The following PHB2 variants were observed in gnomAD, a reference collection of about 807,000 sequenced individuals.
The protein encoded by PHB2 is prohibitin 2, also known as prohibitin-2.
PHB2 carries 22 observed loss-of-function variants against 46.4 expected under a neutral mutation model. That is an observed-to-expected ratio of 0.47 (90% CI 0.34 to 0.68). PHB2 has a LOEUF of 0.68. Among genes scored for constraint, PHB2 ranks in the 30% least tolerant of loss-of-function variants. The pLI is 0.01. For synonymous variants in PHB2, 156 were observed against 150.5 expected, an observed-to-expected ratio of 1.04 and a Z score of -0.27; for missense variants, 305 against 382.8, an observed-to-expected ratio of 0.80 and a Z score of 1.70.
At chr12:6,968,787 A>G in intron 3 of PHB2, 192 bp from the exon 4 acceptor site, 1 of 622,018 alleles carries the variant, frequency 1.6e-6, no homozygotes, top group Non-Finnish European at 3.0e-6. Context: ...CCCACTGTGA[A>G]GCCTTGAACT....
rs782594920 is a variant in PHB2 at position 6,970,188 on chromosome 12, G to A, written c.212+8C>T. 1.9e-6 allele frequency: 3 copies of A among 1,606,422 alleles called. No individual in the cohort carries two copies. The highest frequency in any genetic ancestry group is 1.7e-5 in the Admixed American group (1 of 59,996). ...AGGTCAGGGTCAGCAGGCTCTGCCC[G>A]CCATTACCTGAAGTGAAGGCCCTCG... On this transcript the variant is annotated splice_region_variant and intron_variant, in intron 2 of 9. Transcript: ENST00000535923.
chr12:6,968,729 C>A (rs1334669700), intron 3 of PHB2, 134 bp from the exon 4 acceptor site: 2 of 740,638 alleles, frequency 2.7e-6, no homozygotes, highest in Admixed American at 4.0e-5. Context: ...GAGAGTTAAT[C>A]AGGCTGACAA....
At chr12:6,969,412 C>A in intron 3 of PHB2, 86 bp downstream of exon 3, 1 of 691,550 alleles carries the variant, frequency 1.4e-6, no homozygotes, top group Non-Finnish European at 2.5e-6. Context: ...GCCTAAAGGC[C>A]TGACACTACC....
chr12:6,970,004 T>C (rs1565591433), intron 2 of PHB2, 192 bp downstream of exon 2: 1 of 702,808 alleles, frequency 1.4e-6, no homozygotes, highest in East Asian at 2.7e-5. Flanking sequence ...CAAGGAGAGA[T>C]TCTCTTGTCC....
chr12:6,967,323 GTCC>G lies in PHB2; in HGVS notation c.712-78_712-76del. 1 of 1,611,484 alleles carries G rather than the reference GTCC, an allele frequency of 6.2e-7. No individual in the cohort carries two copies. Among genetic ancestry groups the G allele is most frequent in the Non-Finnish European group, 8.5e-7 (1 of 1,178,250 alleles). ...GTCCTTACCACACTCCCTTGCTCCA[GTCC>G]TCCTCTGGGCTGTCAGATCCAAGGT... On this transcript the variant is annotated intron_variant, in intron 6 of 9. Coordinates refer to ENST00000535923, the MANE Select transcript of PHB2 (RefSeq NM_001144831.2). This position sits in a 1 kb window ranked among gnomAD's most constrained non-coding sequence, Gnocchi z 4.9.
intron 3 of PHB2, chr12:6,968,806 C>T (rs782067575): frequency 1.9e-5 from 11 of 590,360 alleles, no homozygotes; most frequent in Admixed American, 6.9e-5. Flanking sequence ...CTGCAAACCC[C>T]GTCACCAGCA....
chr12:6,970,658 G>C lies in PHB2; in HGVS notation c.-115C>G. 1.6e-6 allele frequency: 2 copies of C among 1,290,086 alleles called. No individual in the cohort carries two copies. Among genetic ancestry groups the C allele is most frequent in the Non-Finnish European group, 2.1e-6 (2 of 946,872 alleles). The allele number at this position is 1,290,086 out of a possible 1,614,324, so 79.9% of individuals were successfully genotyped here. A position where few individuals can be genotyped will look rare whatever the true frequency, so the allele number is the denominator to read the frequency against. On this transcript the variant is annotated 5_prime_UTR_variant, in exon 1 of 10. Transcript: ENST00000535923. ...ACGAGGGTTCGGGCCCGTAAGGCTG[G>C]CGAAAGAAAGGGCAGCGGAAGTGCG...
At chr12:6,970,151 G>A (rs1314822420) in intron 2 of PHB2, 45 bp downstream of exon 2, 1 of 1,429,498 alleles carries the variant, frequency 7.0e-7, no homozygotes, top group East Asian at 2.3e-5. Flanking sequence ...CTGGGTCGGC[G>A]TCAAGGGTGA....
intron 2 of PHB2, 191 bp downstream of exon 2, chr12:6,970,005 T>C (rs1555151707): frequency 1.4e-6 from 1 of 703,062 alleles, no homozygotes; most frequent in Admixed American, 2.0e-5. Context: ...AAGGAGAGAT[T>C]CTCTTGTCCC....
intron 7 of PHB2, among the ~76,000 whole-genome samples, chr12:6,966,904 C>G (rs1056218670): frequency 6.6e-6 from 1 of 152,178 alleles, no homozygotes; most frequent in Admixed American, 6.5e-5. Context: ...GCCACCACAG[C>G]GGGCTCATTA....
chr12:6,969,709 G>C (rs1396343795), intron 2 of PHB2, 132 bp from the exon 3 acceptor site: 13 of 614,344 alleles, frequency 2.1e-5, no homozygotes, highest in Non-Finnish European at 3.6e-5. Flanking sequence ...AGACCAGCTT[G>C]ATCTACATAG....
In PHB2 at chr12:6,969,508, T is replaced by G. The variant is rs1946279426; in HGVS notation, c.282A>C (p.Thr94=). ...AGTGCTCAGACCTACCTTTGGAGCC[T>G]GTAGGGGAGGAGATTTTTCGAGGTC... The part of the protein sequence containing the change: ...RARPRKISSP[T]GSKDLQMVNI... The change falls in exon 3 of 10, where the codon ACA becomes ACC. Residue 94 remains threonine, a synonymous_variant. Transcript: ENST00000535923. The G allele has an allele frequency of 6.3e-7, 1 of 1,598,010 alleles. No homozygotes were observed. The highest frequency in any genetic ancestry group is 1.3e-5 in the African/African-American group (1 of 74,538).
chr12:6,965,612 C>T lies in PHB2; in HGVS notation c.*73G>A. On this transcript the variant is annotated 3_prime_UTR_variant, in exon 10 of 10. Transcript: ENST00000535923. ...TGGGGCGGGGTAGGGCTGTGCTGGA[C>T]CCCTGGCTGGCTCCTCAAAAACTGG... is the stretch of plus-strand genomic sequence containing the variant. The T allele has an allele frequency of 2.4e-6, 3 of 1,272,220 alleles. No individual in the cohort carries two copies. The highest frequency in any genetic ancestry group is 3.4e-6 in the Non-Finnish European group (3 of 880,524). 78.8% of individuals were successfully genotyped at this position (1,272,220 alleles called of 1,614,324 possible). A position where few individuals can be genotyped will look rare whatever the true frequency, so the allele number is the denominator to read the frequency against.
intron 3 of PHB2, among the ~76,000 whole-genome samples, chr12:6,969,292 C>A (rs1476998007): frequency 6.6e-6 from 1 of 152,186 alleles, no homozygotes; most frequent in Non-Finnish European, 1.5e-5. Context: ...ATTGAATACA[C>A]GTCAGGGAGG....
Position 6,967,793 on chromosome 12 carries a change from G to A in PHB2, c.608-14C>T. On this transcript the variant is annotated splice_polypyrimidine_tract_variant and intron_variant, in intron 5 of 9. Transcript: ENST00000535923. This position sits in a 1 kb window ranked among gnomAD's most constrained non-coding sequence, Gnocchi z 4.9. ...CCTCCTGCTGGGCTGTGGTGGGAGAGAGTCAGGGAGACCCTGTCCTGGGTC... is the reference window on the plus strand; with the variant it reads ...CCTCCTGCTGGGCTGTGGTGGGAGAAAGTCAGGGAGACCCTGTCCTGGGTC... The A allele has an allele frequency of 1.2e-6, 2 of 1,612,074 alleles. No individual in the cohort carries two copies. The highest frequency in any genetic ancestry group is 4.5e-5 in the East Asian group (2 of 44,870).
chr12:6,965,773 C>T, intron 9 of PHB2, 61 bp from the exon 10 acceptor site: 1 of 1,550,946 alleles, frequency 6.4e-7, no homozygotes, highest in South Asian at 1.1e-5. Context: ...AGAGGCAGGA[C>T]ACTCTAGGCC....
upstream of PHB2, chr12:6,970,709 C>T: frequency 1.0e-6 from 1 of 966,218 alleles, no homozygotes; most frequent in East Asian, 2.6e-5. Flanking sequence ...TCCCCCTTAG[C>T]CCACTACGGA....
chr12:6,968,614 G>C lies in PHB2; in HGVS notation c.293-19C>G. ...TGTAGGTCTGAGATTGAGGTCAGCA[G>C]TGGCTGGTCAAGGCCAAACACCCTT... On this transcript the variant is annotated intron_variant, in intron 3 of 9. Transcript: ENST00000535923. The C allele has an allele frequency of 6.2e-7, 1 of 1,609,072 alleles. No homozygotes were observed. The highest frequency in any genetic ancestry group is 8.5e-7 in the Non-Finnish European group (1 of 1,176,864).
intron 4 of PHB2, 93 bp downstream of exon 4, chr12:6,968,318 A>T: frequency 1.1e-6 from 1 of 949,588 alleles, no homozygotes; most frequent in Admixed American, 2.2e-5. Context: ...TAGGGTGACA[A>T]TGCTTTTCTA....
Sources: allele counts gnomAD v4.1 joint callset (sites outside exome capture counted in the v4.1 genomes callset), GRCh38; gene constraint gnomAD v4.1.1; non-coding constraint Gnocchi (gnomAD v3.1); transcripts MANE v1.5; gene names NCBI Gene and HGNC (gene_info 2026-07-23, HGNC 2026-07-21).